SHROOM2: variants seen among roughly 807,000 people sequenced by gnomAD.
SHROOM2 encodes shroom family member 2.
A neutral mutation model predicts 75.9 loss-of-function variants in SHROOM2; 33 were observed. The observed-to-expected ratio is 0.43, with a 90% CI of 0.33 to 0.58. The LOEUF (loss-of-function observed/expected upper bound fraction) is 0.58. Ranked by LOEUF, SHROOM2 falls within the 20% of genes least tolerant of loss-of-function variation. The pLI, the probability that SHROOM2 is intolerant of heterozygous loss-of-function variation, is 0.04. For synonymous variants in SHROOM2, 655 were observed against 663.6 expected, an observed-to-expected ratio of 0.99 and a Z score of 0.20; for missense variants, 1,434 against 1,461.2, an observed-to-expected ratio of 0.98 and a Z score of 0.30.
intron 5 of SHROOM2, among the ~76,000 whole-genome samples, chrX:9,929,843 A>T (rs1195792107): frequency 9.0e-6 from 1 of 111,569 alleles, no homozygotes. Flanking sequence ...TAATTGAATC[A>T]TGGGGCCTGG....
chrX:9,942,094 A>T (rs1259500532), intron 8 of SHROOM2, among the ~76,000 whole-genome samples: 1 of 111,440 alleles, frequency 9.0e-6, no homozygotes, highest in Non-Finnish European at 1.9e-5. Context: ...GAATTTGGGA[A>T]GTTCTTCATG....
At chrX:9,928,400 T>A (rs1393115981) in intron 5 of SHROOM2, among the ~76,000 whole-genome samples, 3 of 113,018 alleles carry the variant, frequency 2.7e-5, no homozygotes, top group Admixed American at 9.3e-5. Flanking sequence ...CCTGCTGCAG[T>A]TGATTCCTGG....
At chrX:9,929,217 G>T (rs2084624176) in intron 5 of SHROOM2, among the ~76,000 whole-genome samples, 1 of 106,956 alleles carries the variant, frequency 9.3e-6, no homozygotes, top group South Asian at 4.1e-4. Context: ...TGATGGCCCA[G>T]ATTCTTATCA....
At chrX:9,815,208 ACT>A (rs1336151795) in intron 1 of SHROOM2, among the ~76,000 whole-genome samples, 4 of 111,269 alleles carry the variant, frequency 3.6e-5, no homozygotes, top group African/African-American at 1.3e-4. Context: ...ATTTTGCATA[ACT>A]CTCTAAATGG....
intron 1 of SHROOM2, among the ~76,000 whole-genome samples, chrX:9,866,949 T>C (rs1379521276): frequency 9.1e-6 from 1 of 110,300 alleles, no homozygotes; most frequent in Non-Finnish European, 1.9e-5. Context: ...CCGTTTCTAT[T>C]TGGAGGCCTT....
intron 1 of SHROOM2, among the ~76,000 whole-genome samples, chrX:9,869,657 G>T (rs2084161237): frequency 8.9e-6 from 1 of 111,900 alleles, no homozygotes; most frequent in Non-Finnish European, 1.9e-5. Context: ...CCTTTTTTAA[G>T]GCTGAATAAT....
In SHROOM2 at chrX:9,812,913, G is replaced by A. The variant is rs1214925350; in HGVS notation, c.165+26203G>A. ...CCAGGAGATGTGTTAGTTTGCTCAAGCAGTGAAACCACATCTGGTACAGCA... is the reference window on the plus strand; with the variant it reads ...CCAGGAGATGTGTTAGTTTGCTCAAACAGTGAAACCACATCTGGTACAGCA... On this transcript the variant is annotated intron_variant, in intron 1 of 9. Transcript: ENST00000380913. Among the ~76,000 whole-genome samples, 14 of 112,356 alleles carry A rather than the reference G, an allele frequency of 1.2e-4. No homozygotes were observed. In the Admixed American group the frequency reaches 1.3e-3, roughly 11 times the overall value.
At chrX:9,890,828 G>C (rs1187618157) in intron 2 of SHROOM2, 149 bp from the exon 3 acceptor site, 20 of 510,052 alleles carry the variant, frequency 3.9e-5, no homozygotes, top group South Asian at 7.5e-5. Context: ...ACAAGCGCAC[G>C]TGCGCTGTGT....
chrX:9,919,204 C>T (rs979205324), intron 5 of SHROOM2, among the ~76,000 whole-genome samples: 1 of 109,888 alleles, frequency 9.1e-6, no homozygotes, highest in African/African-American at 3.3e-5. Flanking sequence ...AATGAAAATA[C>T]CACAGAATGG....
chrX:9,853,463 G>A (rs1001964573), intron 1 of SHROOM2, among the ~76,000 whole-genome samples: 1 of 112,479 alleles, frequency 8.9e-6, no homozygotes, highest in Non-Finnish European at 1.9e-5. Context: ...TCTGCAATCA[G>A]GGTGTCTGCA....
rs1477171835 is a variant in SHROOM2 at position 9,945,073 on chromosome X, C to T, written c.4584+160C>T. 4.7e-5 allele frequency among the ~76,000 whole-genome samples: 5 copies of T among 105,686 alleles called. No homozygotes were observed. The Admixed American group carries it at 5.1e-4, about 11-fold the overall frequency. 91.8% of individuals were successfully genotyped at this position (105,686 alleles called of 115,157 possible). ...TGTCGAGACAGTGCACGCTCTATACCCTCTCCTTCCTTTTATATTTCTTTA... is the reference window on the plus strand; with the variant it reads ...TGTCGAGACAGTGCACGCTCTATACTCTCTCCTTCCTTTTATATTTCTTTA... On this transcript the variant is annotated intron_variant, in intron 9 of 9. Transcript: ENST00000380913.
At position 9,895,587 on chromosome X, in the gene SHROOM2, A is replaced by G. The variant is rs1569161265; in HGVS notation, c.1679A>G (p.Lys560Arg). The change falls in exon 4 of 10, where the codon AAA becomes AGA. Residue 560 changes from lysine (K) to arginine (R), a missense_variant. By Grantham distance (26) the Lys-to-Arg change is conservative (BLOSUM62 2). Around this residue, in one of 3 missense-constraint regions of SHROOM2, gnomAD observed 1,340 missense variants for 1,338.3 expected, o/e 1.00. Coordinates refer to ENST00000380913, the MANE Select transcript of SHROOM2 (RefSeq NM_001649.4). ...QEPPRASRAEKASQRLAASIT... is the reference protein window; with the variant it reads ...QEPPRASRAERASQRLAASIT... ...CCTCCCAGGGCCAGCCGTGCAGAAA[A>G]AGCCAGCCAGAGGCTGGCAGCCAGC... 1 of 1,165,873 alleles carries G rather than the reference A, an allele frequency of 8.6e-7. No individual in the cohort carries two copies. Among genetic ancestry groups the G allele is most frequent in the Admixed American group, 2.5e-5 (1 of 39,249 alleles).
Position 9,939,223 on chromosome X carries a change from G to T in SHROOM2, c.4168G>T (p.Val1390Leu). ...RKEEPSVPAA[V>L]SLATNSTYYS... ...AGAGGAGCCCAGCGTGCCTGCGGCCGTGTCCCTGGCCACCAATTCTACCTA... is the reference window on the plus strand; with the variant it reads ...AGAGGAGCCCAGCGTGCCTGCGGCCTTGTCCCTGGCCACCAATTCTACCTA... The change falls in exon 8 of 10, where the codon GTG (valine) becomes TTG (leucine). Residue 1390 changes from valine to leucine, a missense_variant. Val to Leu is a conservative substitution (Grantham distance 32). This residue lies in a region of SHROOM2 where 1,340 missense variants were observed against 1,338.3 expected (regional missense o/e 1.00). Coordinates refer to ENST00000380913, the MANE Select transcript of SHROOM2 (RefSeq NM_001649.4). 1 of 1,208,613 alleles carries T rather than the reference G, an allele frequency of 8.3e-7. No homozygotes were observed. Among genetic ancestry groups the T allele is most frequent in the Non-Finnish European group, 1.1e-6 (1 of 893,972 alleles).
At chrX:9,837,487 A>G (rs2083952912) in intron 1 of SHROOM2, among the ~76,000 whole-genome samples, 1 of 112,026 alleles carries the variant, frequency 8.9e-6, no homozygotes, top group South Asian at 3.7e-4. Flanking sequence ...CTGATGATGA[A>G]ACGTGTGGTG....
chrX:9,935,223 G>T (rs1052575919), intron 6 of SHROOM2, among the ~76,000 whole-genome samples: 5 of 111,350 alleles, frequency 4.5e-5, no homozygotes, highest in African/African-American at 1.6e-4. Context: ...AGCTTCTCCC[G>T]GGAGCCGGGG....
At chrX:9,832,381 G>C (rs1290149400) in intron 1 of SHROOM2, among the ~76,000 whole-genome samples, 1 of 111,679 alleles carries the variant, frequency 9.0e-6, no homozygotes, top group African/African-American at 3.3e-5. Context: ...CTTTGTGTTT[G>C]TCAGGGAGCA....
intron 7 of SHROOM2, among the ~76,000 whole-genome samples, chrX:9,938,116 C>G (rs376800458): frequency 2.2e-3 from 245 of 111,452 alleles, no homozygotes; most frequent in Middle Eastern, 9.3e-3. Flanking sequence ...GGAGGGCCCC[C>G]CCCACAGAGA....
chrX:9,792,064 T>G (rs1187159559), intron 1 of SHROOM2, among the ~76,000 whole-genome samples: 4 of 12,294 alleles, frequency 3.3e-4, no homozygotes, highest in East Asian at 3.4e-3. Flanking sequence ...TAGAATAGAA[T>G]AGAATAGAAT....
intron 5 of SHROOM2, 75 bp from the exon 6 acceptor site, chrX:9,932,100 G>A (rs1569174521): frequency 1.0e-6 from 1 of 961,338 alleles, no homozygotes; most frequent in Non-Finnish European, 1.4e-6. Context: ...GGATTGTGAA[G>A]ATCCAGGTCC....
Sources: allele counts gnomAD v4.1 joint callset (sites outside exome capture counted in the v4.1 genomes callset), GRCh38; gene constraint gnomAD v4.1.1; regional missense constraint gnomAD v4.1.1; transcripts MANE v1.5; gene names NCBI Gene and HGNC (gene_info 2026-07-23, HGNC 2026-07-21).